Variants in CGRRF1 observed in about 807,000 individuals in gnomAD.
CGRRF1 encodes the protein cell growth regulator with RING finger domain protein 1.
In CGRRF1, 32 loss-of-function variants were observed where a neutral mutation model predicts 37.2. That is an observed-to-expected ratio of 0.86 (90% confidence interval 0.65 to 1.16). CGRRF1 has a LOEUF of 1.16. Among genes scored for constraint, CGRRF1 ranks in the 50% most tolerant of loss-of-function variants. CGRRF1 has a pLI of 0.00. For missense variants in CGRRF1, 391 were observed against 382.6 expected, an observed-to-expected ratio of 1.02 and a Z score of -0.18; for synonymous variants, 141 against 140.3, an observed-to-expected ratio of 1.00 and a Z score of -0.04.
chr14:54,513,566 TTTATG>T (rs150170270), intron 1 of CGRRF1, among the ~76,000 whole-genome samples: 81,230 of 146,436 alleles, frequency 0.55, 22,794 homozygotes, highest in Non-Finnish European at 0.6. Flanking sequence ...TGGACACAGT[TTTATG>T]TTATGTTATG....
At chr14:54,518,425 C>T (rs1315336513) in intron 1 of CGRRF1, among the ~76,000 whole-genome samples, 2 of 151,894 alleles carry the variant, frequency 1.3e-5, no homozygotes, top group South Asian at 4.2e-4. Context: ...TGGTGCATGC[C>T]TGGAATCCCA....
At chr14:54,537,173 A>G (rs1566514161) in intron 4 of CGRRF1, 1 of 152,084 alleles carries the variant, frequency 6.6e-6, no homozygotes, top group Admixed American at 6.6e-5. Context: ...CCATCTGTCT[A>G]TTCATGTGCC....
chr14:54,522,233 C>A (rs77773541), intron 1 of CGRRF1, among the ~76,000 whole-genome samples: 3,542 of 152,172 alleles, frequency 0.023, 96 homozygotes, highest in East Asian at 0.095. Flanking sequence ...TTTTATTCTT[C>A]CCCCTCGTCC....
chr14:54,517,401 CAG>C (rs1324115122), intron 1 of CGRRF1, among the ~76,000 whole-genome samples: 1 of 152,136 alleles, frequency 6.6e-6, no homozygotes, highest in African/African-American at 2.4e-5. Flanking sequence ...TTTATAAAAT[CAG>C]AGTCATCAAA....
chr14:54,513,432 C>G (rs1157442826), intron 1 of CGRRF1, among the ~76,000 whole-genome samples: 2 of 152,172 alleles, frequency 1.3e-5, no homozygotes, highest in African/African-American at 2.4e-5. Flanking sequence ...GGAGCACTGA[C>G]AGAAAGCAAA....
intron 4 of CGRRF1, among the ~76,000 whole-genome samples, chr14:54,532,073 C>T (rs1179904454): frequency 2.0e-5 from 3 of 152,142 alleles, no homozygotes; most frequent in Admixed American, 1.3e-4. Flanking sequence ...AAATCCCAGT[C>T]ATTCAGGCAG....
chr14:54,515,340 C>G (rs73265798), intron 1 of CGRRF1, among the ~76,000 whole-genome samples: 2 of 151,828 alleles, frequency 1.3e-5, no homozygotes, highest in African/African-American at 4.8e-5. Context: ...GATCTGCCCG[C>G]GATGACCTCC....
At chr14:54,510,368 C>A (rs2032109966) in intron 1 of CGRRF1, 3 of 404,112 alleles carry the variant, frequency 7.4e-6, no homozygotes, top group South Asian at 5.1e-5. Flanking sequence ...TGGGCTTGGG[C>A]TTGGTGTTGG....
intron 2 of CGRRF1, among the ~76,000 whole-genome samples, chr14:54,524,661 G>A (rs1053881111): frequency 6.6e-6 from 1 of 152,034 alleles, no homozygotes; most frequent in African/African-American, 2.4e-5. Flanking sequence ...ACAAAGTGCT[G>A]GGATTACAGG....
In CGRRF1 at chr14:54,530,182, A is replaced by G. The variant is rs774703594; in HGVS notation, c.378A>G (p.Leu126=). The G allele has an allele frequency of 6.2e-7, 1 of 1,613,444 alleles. No homozygotes were observed. Among genetic ancestry groups the G allele is most frequent in the Admixed American group, 1.7e-5 (1 of 59,998 alleles). ...TCAGAATAAGCACTCCCCAAGCATT[A>G]GAAGATGCTCTGTATAGTGAATATC... ...YCFRISTPQA[L]EDALYSEYLY... Residue 126 remains leucine (L), a synonymous_variant, in exon 3 of 6, where the codon TTA becomes TTG. Transcript: ENST00000216420.
At position 54,538,333 on chromosome 14, in the gene CGRRF1, G is replaced by A. The variant is rs1594659701; in HGVS notation, c.949G>A (p.Ala317Thr). Residue 317 changes from alanine to threonine, a missense_variant, in exon 6 of 6, where the codon GCA (alanine) becomes ACA (threonine). Transcript: ENST00000216420. ...MCRQFVQESF[A>T]LCSQKEQDKD... The stretch of plus-strand genomic sequence containing the variant: ...CAGGCAGTTTGTTCAGGAATCTTTT[G>A]CACTTTGCAGTCAAAAAGAGCAAGA... 1.9e-6 allele frequency: 3 copies of A among 1,613,116 alleles called. No individual in the cohort carries two copies. Among genetic ancestry groups the A allele is most frequent in the Non-Finnish European group, 2.5e-6 (3 of 1,179,168 alleles).
chr14:54,516,337 G>C (rs776745623), intron 1 of CGRRF1, among the ~76,000 whole-genome samples: 5 of 152,082 alleles, frequency 3.3e-5, no homozygotes, highest in Non-Finnish European at 5.9e-5. Context: ...GTGCAAGTCT[G>C]TTGGTGATGA....
At chr14:54,518,335 C>T (rs543274725) in intron 1 of CGRRF1, among the ~76,000 whole-genome samples, 9 of 152,118 alleles carry the variant, frequency 5.9e-5, no homozygotes, top group African/African-American at 1.2e-4. Flanking sequence ...CACCTGAGGT[C>T]GGGAGCTTGA....
chr14:54,511,939 A>G (rs1025677440), intron 1 of CGRRF1, among the ~76,000 whole-genome samples: 3 of 152,226 alleles, frequency 2.0e-5, no homozygotes, highest in African/African-American at 7.2e-5. Context: ...CATCCGAGTT[A>G]GTTTTGCCCA....
In CGRRF1 at chr14:54,523,668, A is replaced by G. The variant is rs574235954; in HGVS notation, c.244+1075A>G. Among the ~76,000 whole-genome samples the G allele has an allele frequency of 6.6e-4, 101 of 152,270 alleles. 4 individuals are homozygous for G. The South Asian group carries it at 0.02, about 31-fold the overall frequency. ...GATGGGACAGGTAACAGAGGAGTCT[A>G]AGAAGACTCAGGTTCTTCCTATGGG... On this transcript the variant is annotated intron_variant, in intron 2 of 5. Coordinates refer to ENST00000216420, the MANE Select transcript of CGRRF1 (RefSeq NM_006568.3).
intron 2 of CGRRF1, 57 bp from the exon 3 acceptor site, chr14:54,529,992 G>T: frequency 7.1e-7 from 1 of 1,414,930 alleles, no homozygotes; most frequent in South Asian, 1.3e-5. Flanking sequence ...CACCCTGTAT[G>T]ATTGTATTAG....
intron 4 of CGRRF1, among the ~76,000 whole-genome samples, chr14:54,534,282 G>A (rs1030980914): frequency 4.8e-4 from 73 of 151,930 alleles, no homozygotes; most frequent in African/African-American, 1.6e-3. Context: ...GCACCACCAC[G>A]CCCAGTTAAT....
intron 1 of CGRRF1, among the ~76,000 whole-genome samples, chr14:54,511,359 C>T (rs989617926): frequency 6.6e-6 from 1 of 152,090 alleles, no homozygotes; most frequent in South Asian, 2.1e-4. Context: ...CAATCTTACA[C>T]AATTGGTTAT....
chr14:54,522,792 C>A (rs750967478), intron 2 of CGRRF1, among the ~76,000 whole-genome samples, 199 bp downstream of exon 2: 16 of 152,188 alleles, frequency 1.1e-4, no homozygotes, highest in Non-Finnish European at 1.9e-4. Flanking sequence ...AAGAATTTAT[C>A]ACCTAGTAAA....
Sources: allele counts gnomAD v4.1 joint callset (sites outside exome capture counted in the v4.1 genomes callset), GRCh38; gene constraint gnomAD v4.1.1; transcripts MANE v1.5; gene names NCBI Gene and HGNC (gene_info 2026-07-23, HGNC 2026-07-21).